NIPBL: variants seen among roughly 807,000 people sequenced by gnomAD.
NIPBL encodes the protein nipped-B-like protein.
In NIPBL, 19 loss-of-function variants were observed where a neutral mutation model predicts 321.8. The observed-to-expected ratio is 0.06, with a 90% confidence interval of 0.04 to 0.09. The LOEUF is 0.09. NIPBL is among the 10% of genes least tolerant of loss of function. The probability of loss-of-function intolerance (pLI) is 1.00; values close to 1 mark genes in which losing one functional copy is unlikely to be tolerated. For missense variants in NIPBL, 2,210 were observed against 3,327.0 expected (o/e 0.66, Z 8.26); for synonymous variants, 1,106 against 1,114.1 (o/e 0.99, Z 0.14).
At chr5:37,004,879 T>C (rs4370303) in intron 16 of NIPBL, among the ~76,000 whole-genome samples, 10 of 152,206 alleles carry the variant, frequency 6.6e-5, no homozygotes, top group African/African-American at 2.4e-4. Context: ...ATATTTAATA[T>C]ACAAGCACTA....
At chr5:37,014,901 C>G (rs1265121406) in intron 22 of NIPBL, 136 bp downstream of exon 22, 1 of 654,302 alleles carries the variant, frequency 1.5e-6, no homozygotes, top group East Asian at 2.7e-5. Flanking sequence ...GTTTCTTGAT[C>G]TTTAAAATGA....
chr5:36,987,068 T>TG (rs1293507590), intron 10 of NIPBL, among the ~76,000 whole-genome samples: 4 of 152,086 alleles, frequency 2.6e-5, no homozygotes, highest in African/African-American at 9.7e-5. Context: ...TAAATAGAGA[T>TG]GGGGTCTTGC....
chr5:37,042,780 C>T (rs1347697120), intron 34 of NIPBL, among the ~76,000 whole-genome samples: 1 of 150,708 alleles, frequency 6.6e-6, no homozygotes, highest in Non-Finnish European at 1.5e-5. Flanking sequence ...GAGCCAAGAT[C>T]GCGCCACTGC....
intron 2 of NIPBL, among the ~76,000 whole-genome samples, chr5:36,955,197 A>G (rs1740806116): frequency 6.6e-6 from 1 of 151,690 alleles, no homozygotes. Context: ...CTTTTTCGCT[A>G]GTCATTTGTT....
intron 9 of NIPBL, among the ~76,000 whole-genome samples, chr5:36,982,395 A>G (rs1744246540): frequency 6.6e-6 from 1 of 151,840 alleles, no homozygotes; most frequent in African/African-American, 2.4e-5. Context: ...GAATCAGACC[A>G]AGTGAATCAG....
chr5:36,907,606 A>G (rs1561372316), intron 1 of NIPBL, among the ~76,000 whole-genome samples: 1 of 152,194 alleles, frequency 6.6e-6, no homozygotes, highest in Non-Finnish European at 1.5e-5. Flanking sequence ...GTATTTACTT[A>G]GAAAAGACCA....
chr5:36,880,843 G>A (rs1314038929), intron 1 of NIPBL, among the ~76,000 whole-genome samples: 1 of 152,052 alleles, frequency 6.6e-6, no homozygotes, highest in African/African-American at 2.4e-5. Context: ...TGTGAGAGAA[G>A]TGACCAGCTT....
chr5:37,036,463 C>A lies in NIPBL; in HGVS notation c.5947C>A (p.Leu1983Ile). ...QLVDNLVEHI[L>I]KYEESLADSD... is the part of the protein sequence containing the mutation. ...TGTTGATAACCTAGTTGAGCACATT[C>A]TTAAATATGAGGAATCTCTAGCTGG... Residue 1983 changes from leucine (L) to isoleucine (I), a missense_variant, in exon 33 of 47, where the codon CTT becomes ATT. Leu to Ile is a conservative substitution (Grantham distance 5). Around this residue, in one of 14 missense-constraint regions of NIPBL, gnomAD observed 69 missense variants for 100.8 expected, o/e 0.68. Transcript: ENST00000282516. 2 of 1,451,430 alleles carry A rather than the reference C, an allele frequency of 1.4e-6. No homozygotes were observed. Among genetic ancestry groups the A allele is most frequent in the Non-Finnish European group, 1.8e-6 (2 of 1,084,298 alleles). The allele number at this position is 1,451,430 out of a possible 1,614,324, so 89.9% of individuals were successfully genotyped here.
chr5:36,965,480 T>C (rs1260655454), intron 6 of NIPBL, among the ~76,000 whole-genome samples: 1 of 152,010 alleles, frequency 6.6e-6, no homozygotes, highest in Admixed American at 6.6e-5. Context: ...TTTAAGAAGA[T>C]AGAGAATAGA....
chr5:37,022,249 T>C lies in NIPBL; in HGVS notation c.5433T>C (p.Asp1811=). 9 of 1,614,110 alleles carry C rather than the reference T, an allele frequency of 5.6e-6. No individual in the cohort carries two copies. Among genetic ancestry groups the C allele is most frequent in the Non-Finnish European group, 7.6e-6 (9 of 1,180,006 alleles). ...TTCTCTTCATTTTTCTTTAGCTTGA[T>C]ATGCAACGAGGTGTTCATGGACGAT... ...AVDPSILARL[D]MQRGVHGRLM... The change falls in exon 29 of 47, where the codon GAT becomes GAC. Residue 1811 remains aspartate, a synonymous_variant. Transcript: ENST00000282516.
chr5:36,988,632 C>A (rs1210601436), intron 10 of NIPBL, among the ~76,000 whole-genome samples: 1 of 151,368 alleles, frequency 6.6e-6, no homozygotes. Context: ...GATTACTGAC[C>A]CTTTGTAGTA....
chr5:36,914,207 C>T (rs1748274424), intron 1 of NIPBL, among the ~76,000 whole-genome samples: 2 of 152,336 alleles, frequency 1.3e-5, no homozygotes, highest in East Asian at 3.9e-4. Context: ...TTACCTTACC[C>T]TACTGGTAAG....
chr5:36,935,549 A>G (rs1738316442), intron 1 of NIPBL, among the ~76,000 whole-genome samples: 1 of 152,170 alleles, frequency 6.6e-6, no homozygotes, highest in East Asian at 1.9e-4. Context: ...ATATTGTATT[A>G]GAATTGCTGT....
chr5:37,003,545 A>G (rs1024617669), intron 16 of NIPBL, among the ~76,000 whole-genome samples, 198 bp downstream of exon 16: 2 of 152,142 alleles, frequency 1.3e-5, no homozygotes, highest in Admixed American at 1.3e-4. Flanking sequence ...TGCCTAATTT[A>G]TAAATTAAGT....
rs188982051 is a variant in NIPBL at position 36,940,450 on chromosome 5, T to C, written c.-79-13168T>C. On this transcript the variant is annotated intron_variant, in intron 1 of 46. Transcript: ENST00000282516. ...GTGTCAGTCCTTCACTATGTACCAG[T>C]TACATAATCTTCTTTCCTTAGCTAG... Among the ~76,000 whole-genome samples, 321 of 152,280 alleles carry C rather than the reference T, an allele frequency of 2.1e-3. 1 individual carries two copies. Among genetic ancestry groups the C allele is most frequent in the Middle Eastern group, 0.017 (5 of 294 alleles).
At chr5:37,038,559 C>CT (rs781566364) in intron 33 of NIPBL, 43 bp from the exon 34 acceptor site, 1 of 1,586,422 alleles carries the variant, frequency 6.3e-7, no homozygotes, top group Non-Finnish European at 8.6e-7. Flanking sequence ...TTTCCACTAC[C>CT]TTGTCATATT....
intron 1 of NIPBL, among the ~76,000 whole-genome samples, chr5:36,910,315 T>G (rs755998273): frequency 8.5e-5 from 13 of 152,188 alleles, no homozygotes; most frequent in Non-Finnish European, 1.8e-4. Context: ...ACAGTTGCAC[T>G]TGCAGTAAAC....
At chr5:36,971,890 T>C in intron 7 of NIPBL, 55 bp from the exon 8 acceptor site, 3 of 1,561,964 alleles carry the variant, frequency 1.9e-6, no homozygotes, top group Non-Finnish European at 2.6e-6. Context: ...TCTTTTAAGA[T>C]TTCTATAAAG....
At chr5:37,021,726 G>A (rs1749667226) in intron 27 of NIPBL, among the ~76,000 whole-genome samples, 1 of 152,130 alleles carries the variant, frequency 6.6e-6, no homozygotes, top group Non-Finnish European at 1.5e-5. Flanking sequence ...ACCAAATTAT[G>A]ATTTGAATGA....
Sources: gnomAD v4.1 joint callset for allele counts (sites outside exome capture counted in the v4.1 genomes callset) on GRCh38, gnomAD v4.1.1 for gene constraint, gnomAD v4.1.1 regional missense constraint, MANE v1.5 for transcripts, NCBI Gene and HGNC (gene_info 2026-07-23, HGNC 2026-07-21) for gene names.